ADAMTSL1: variants seen among roughly 807,000 people sequenced by gnomAD.
ADAMTSL1 encodes the protein ADAMTS-like protein 1.
In ADAMTSL1, 126 loss-of-function variants were observed where a neutral mutation model predicts 201.8. That is an observed-to-expected ratio of 0.62 (90% CI 0.54 to 0.72). ADAMTSL1 has a LOEUF of 0.72. Ranked by LOEUF, ADAMTSL1 falls within the 30% of genes least tolerant of loss-of-function variation. The probability of loss-of-function intolerance (pLI) is 0.00; values close to 1 mark genes in which losing one functional copy is unlikely to be tolerated. For missense variants in ADAMTSL1, 2,679 were observed against 2,277.8 expected (o/e 1.18, Z -3.59); for synonymous variants, 1,121 against 903.4 (o/e 1.24, Z -4.32).
intron 2 of ADAMTSL1, among the ~76,000 whole-genome samples, chr9:18,282,005 C>G (rs1325649934): frequency 1.3e-5 from 2 of 152,008 alleles, no homozygotes; most frequent in African/African-American, 4.8e-5. Flanking sequence ...GTACATTTTC[C>G]TCACCTGGGT....
chr9:18,261,602 T>G (rs1398699667), intron 2 of ADAMTSL1, among the ~76,000 whole-genome samples: 1 of 152,190 alleles, frequency 6.6e-6, no homozygotes. Flanking sequence ...AGGAAAATAT[T>G]CCAACCTTTG....
At chr9:17,907,607 C>T (rs1379277924) in intron 1 of ADAMTSL1, among the ~76,000 whole-genome samples, 1 of 152,136 alleles carries the variant, frequency 6.6e-6, no homozygotes, top group Non-Finnish European at 1.5e-5. Context: ...CTGGGGACTT[C>T]TCCAGGGTGG....
intron 1 of ADAMTSL1, among the ~76,000 whole-genome samples, chr9:18,072,185 T>C (rs553323288): frequency 6.6e-6 from 1 of 152,298 alleles, no homozygotes; most frequent in South Asian, 2.1e-4. Context: ...AAAGCAAAAA[T>C]GGGCTGATTG....
At chr9:18,073,396 C>T (rs973995060) in intron 1 of ADAMTSL1, among the ~76,000 whole-genome samples, 8 of 152,152 alleles carry the variant, frequency 5.3e-5, no homozygotes, top group African/African-American at 1.7e-4. Flanking sequence ...ATAAATCCAT[C>T]TAGGTGATAT....
intron 2 of ADAMTSL1, among the ~76,000 whole-genome samples, chr9:18,276,068 A>C (rs1437716547): frequency 6.6e-6 from 1 of 152,134 alleles, no homozygotes; most frequent in Non-Finnish European, 1.5e-5. Context: ...AGGTTTAGCC[A>C]CCAAAAGTCT....
intron 14 of ADAMTSL1, among the ~76,000 whole-genome samples, chr9:18,714,857 C>T (rs1173563938): frequency 1.3e-5 from 2 of 151,272 alleles, no homozygotes; most frequent in Admixed American, 1.3e-4. Context: ...CAGTAAAATA[C>T]TGGCAAACCA....
chr9:18,192,731 T>G (rs1209480137), intron 2 of ADAMTSL1, among the ~76,000 whole-genome samples: 2 of 152,062 alleles, frequency 1.3e-5, no homozygotes, highest in African/African-American at 4.8e-5. Context: ...ATAAGAAGAA[T>G]TAATACAGAA....
intron 23 of ADAMTSL1, among the ~76,000 whole-genome samples, chr9:18,833,748 C>G (rs78286362): frequency 9.9e-5 from 15 of 152,278 alleles, no homozygotes; most frequent in Non-Finnish European, 1.5e-4. Context: ...GTGTCTTCAT[C>G]ATGAAACCTT....
intron 1 of ADAMTSL1, among the ~76,000 whole-genome samples, chr9:18,031,918 A>T (rs1354720378): frequency 6.6e-6 from 1 of 152,182 alleles, no homozygotes; most frequent in Non-Finnish European, 1.5e-5. Flanking sequence ...TGGGCAGGGC[A>T]GTGGTGCCAT....
At chr9:18,667,143 G>C (rs1411122911) in intron 9 of ADAMTSL1, among the ~76,000 whole-genome samples, 1 of 151,604 alleles carries the variant, frequency 6.6e-6, no homozygotes, top group South Asian at 2.1e-4. Context: ...AAGGAATTCA[G>C]AGCAACAGTC....
intron 1 of ADAMTSL1, among the ~76,000 whole-genome samples, chr9:17,955,072 G>A (rs1827879659): frequency 1.3e-5 from 2 of 152,156 alleles, no homozygotes; most frequent in Admixed American, 1.3e-4. Flanking sequence ...ATGTATATAT[G>A]TGTATATTTG....
chr9:18,696,940 T>C (rs1450069621), intron 13 of ADAMTSL1, among the ~76,000 whole-genome samples: 1 of 150,950 alleles, frequency 6.6e-6, no homozygotes, highest in Non-Finnish European at 1.5e-5. Context: ...AGTGCAGTGG[T>C]GTGATCTCAG....
chr9:18,375,210 A>G (rs989168991), intron 2 of ADAMTSL1, among the ~76,000 whole-genome samples: 3 of 152,236 alleles, frequency 2.0e-5, no homozygotes, highest in African/African-American at 4.8e-5. Flanking sequence ...CTGATAGAGA[A>G]TAGCCCTTAC....
intron 1 of ADAMTSL1, among the ~76,000 whole-genome samples, chr9:17,993,440 T>C (rs1444841487): frequency 7.0e-6 from 1 of 142,516 alleles, no homozygotes; most frequent in Non-Finnish European, 1.5e-5. Context: ...ACAAGGAATA[T>C]AATAAGAGCC....
chr9:18,419,874 C>T (rs141832176), intron 2 of ADAMTSL1, among the ~76,000 whole-genome samples: 3 of 151,934 alleles, frequency 2.0e-5, no homozygotes, highest in East Asian at 3.9e-4. Context: ...GGACTACAGG[C>T]GCACGCCACT....
At chr9:18,124,091 T>G (rs951182990) in intron 1 of ADAMTSL1, among the ~76,000 whole-genome samples, 5 of 145,744 alleles carry the variant, frequency 3.4e-5, no homozygotes, top group Non-Finnish European at 7.5e-5. Context: ...TTTTTTTTTT[T>G]TTTTTTTTTG....
chr9:18,827,358 T>C (rs1824643036), intron 22 of ADAMTSL1, among the ~76,000 whole-genome samples: 1 of 151,862 alleles, frequency 6.6e-6, no homozygotes, highest in African/African-American at 2.4e-5. Context: ...GGAAAAATAT[T>C]TAAACTTTAC....
Position 18,531,602 on chromosome 9 carries a change from T to C in ADAMTSL1, c.192-1645T>C, listed in dbSNP as rs368184459. Among the ~76,000 whole-genome samples the C allele has an allele frequency of 3.9e-5, 6 of 152,208 alleles. No homozygotes were observed. The East Asian group carries it at 9.6e-4, about 24-fold the overall frequency. On this transcript the variant is annotated intron_variant, in intron 2 of 28. Coordinates refer to ENST00000380548, the MANE Select transcript of ADAMTSL1 (RefSeq NM_001040272.6). ...TTCTATATTTTTAAGATAGTCTGTG[T>C]ATAATTGTGTTGTCAGATGACATTT... is the stretch of plus-strand genomic sequence containing the variant.
At position 17,952,558 on chromosome 9, in the gene ADAMTSL1, A is replaced by G. The variant is rs143612805; in HGVS notation, c.87+45636A>G. On this transcript the variant is annotated intron_variant, in intron 1 of 29. Transcript: ENST00000680146. ...GCTTTGTAGTCTGCTGCATTGACTT[A>G]AAAAAAGTTCCTGCCTAGATACTAC... Among the ~76,000 whole-genome samples, 173 of 152,176 alleles carry G rather than the reference A, an allele frequency of 1.1e-3. No homozygotes were observed. The Middle Eastern group carries it at 0.017, about 15-fold the overall frequency.
Sources: gnomAD v4.1 joint callset for allele counts (sites outside exome capture counted in the v4.1 genomes callset) on GRCh38, gnomAD v4.1.1 for gene constraint, MANE v1.5 for transcripts, NCBI Gene and HGNC (gene_info 2026-07-23, HGNC 2026-07-21) for gene names.